Variants in CELSR1 observed in about 807,000 individuals in gnomAD.
CELSR1 encodes cadherin EGF LAG seven-pass G-type receptor 1.
Under a neutral mutation model 249.1 loss-of-function variants are expected in CELSR1, and 110 were observed. The observed-to-expected ratio is 0.44, with a 90% CI of 0.38 to 0.52. The LOEUF is 0.52. Among genes scored for constraint, CELSR1 ranks in the 20% least tolerant of loss-of-function variants. CELSR1 has a pLI of 0.00. For missense variants in CELSR1, 4,109 were observed against 4,296.4 expected, an observed-to-expected ratio of 0.96 and a Z score of 1.22; for synonymous variants, 2,113 against 1,900.0, an observed-to-expected ratio of 1.11 and a Z score of -2.92.
chr22:46,388,800 C>T (rs2079057777), intron 18 of CELSR1, among the ~76,000 whole-genome samples: 2 of 152,200 alleles, frequency 1.3e-5, no homozygotes, highest in Non-Finnish European at 2.9e-5. Flanking sequence ...AGGGTTGAGG[C>T]GGAGGTGTGG....
chr22:46,418,869 A>C (rs1257767536), intron 5 of CELSR1, among the ~76,000 whole-genome samples: 5 of 152,240 alleles, frequency 3.3e-5, no homozygotes, highest in African/African-American at 9.6e-5. Context: ...GGCCAAAGAC[A>C]AAAGTGAGGA....
At position 46,363,681 on chromosome 22, in the gene CELSR1, G is replaced by A. The variant is rs113094434; in HGVS notation, c.9035+315C>T. On this transcript the variant is annotated intron_variant, in intron 34 of 34. Coordinates refer to ENST00000674500, the MANE Select transcript of CELSR1 (RefSeq NM_001378328.1). This position sits in a 1 kb window ranked among gnomAD's most constrained non-coding sequence, Gnocchi z 4.3. ...CCTCAACTGCAAGGTGGGTGGCAGTGGTCCCAGGCGGAGACAATGCTGATC... is the reference window on the plus strand; with the variant it reads ...CCTCAACTGCAAGGTGGGTGGCAGTAGTCCCAGGCGGAGACAATGCTGATC... 2.1e-5 allele frequency: 9 copies of A among 419,274 alleles called. No homozygotes were observed. Among genetic ancestry groups the A allele is most frequent in the African/African-American group, 1.6e-4 (8 of 49,694 alleles). 26.0% of individuals were successfully genotyped at this position (419,274 alleles called of 1,614,324 possible).
At chr22:46,424,826 G>C (rs2079519156) in intron 5 of CELSR1, among the ~76,000 whole-genome samples, 1 of 152,152 alleles carries the variant, frequency 6.6e-6, no homozygotes, top group Non-Finnish European at 1.5e-5. Flanking sequence ...TACAAAATTA[G>C]CCGAGCATGG....
chr22:46,440,376 T>C lies in CELSR1; in HGVS notation c.4184-965A>G, dbSNP rs1011510648. ...TGGGGAGTTAGGCTAATTTTTTGTA[T>C]TTTTAGTAGAGACGGGGATTCACCG... On this transcript the variant is annotated intron_variant, in intron 2 of 34. Coordinates refer to ENST00000674500, the MANE Select transcript of CELSR1 (RefSeq NM_001378328.1). The surrounding 1 kb of genome is among the most constrained non-coding windows in gnomAD (Gnocchi z 4.7). Among the ~76,000 whole-genome samples the C allele has an allele frequency of 1.2e-4, 19 of 152,320 alleles. No homozygotes were observed. The highest frequency in any genetic ancestry group is 2.5e-4 in the Non-Finnish European group (17 of 68,014).
chr22:46,431,256 A>C (rs1332536978), intron 5 of CELSR1, among the ~76,000 whole-genome samples: 1 of 152,038 alleles, frequency 6.6e-6, no homozygotes, highest in African/African-American at 2.4e-5. Context: ...CCCAGTGAAC[A>C]CTCACTGTGT....
Position 46,507,481 on chromosome 22 carries a change from C to G in CELSR1, c.3544+26146G>C, listed in dbSNP as rs1164871784. Among the ~76,000 whole-genome samples, 3 of 152,140 alleles carry G rather than the reference C, an allele frequency of 2.0e-5. No individual in the cohort carries two copies. In the East Asian group the frequency reaches 5.8e-4, roughly 29 times the overall value. ...GCTGCCCCAGCGGCTCCCTCCCTCC[C>G]CGGCCTCTGTGTGGCCCTGGCTCAG... is the stretch of plus-strand genomic sequence containing the variant. On this transcript the variant is annotated intron_variant, in intron 1 of 34. Transcript: ENST00000674500.
chr22:46,373,650 T>TGGGGAGATGGGGGAGAAAGGGGAGATG (rs2078882878), intron 24 of CELSR1, among the ~76,000 whole-genome samples: 1 of 60,654 alleles, frequency 1.6e-5, no homozygotes, highest in Admixed American at 2.4e-4. Context: ...AATGGGAGAA[T>TGGGGAGATGGGGGAGAAAGGGGAGATG]GGGGAGATGG....
At chr22:46,403,181 A>G (rs1275394515) in intron 9 of CELSR1, among the ~76,000 whole-genome samples, 1 of 152,212 alleles carries the variant, frequency 6.6e-6, no homozygotes, top group Non-Finnish European at 1.5e-5. Context: ...GAAGTAATAG[A>G]TAAATCTACA....
At chr22:46,509,865 G>T (rs1569209990) in intron 1 of CELSR1, among the ~76,000 whole-genome samples, 2 of 152,198 alleles carry the variant, frequency 1.3e-5, no homozygotes. Context: ...CGGCACACAG[G>T]TGAGTCCTTC....
chr22:46,432,463 T>C (rs956740106), intron 5 of CELSR1, among the ~76,000 whole-genome samples: 7 of 151,792 alleles, frequency 4.6e-5, no homozygotes, highest in African/African-American at 1.7e-4. Context: ...ACAGCGGGGG[T>C]GGCCAGGCTC....
chr22:46,476,629 A>G (rs2080211184), intron 1 of CELSR1, among the ~76,000 whole-genome samples: 2 of 151,348 alleles, frequency 1.3e-5, no homozygotes, highest in African/African-American at 2.4e-5. Flanking sequence ...AGTACTGACC[A>G]GGCTACAACG....
At position 46,534,531 on chromosome 22, in the gene CELSR1, G is replaced by A. The variant is rs765685815; in HGVS notation, c.2640C>T (p.Ile880=). The stretch of plus-strand genomic sequence containing the variant: ...CATTGTCATTGGCATCGAGGATGAG[G>A]ATCTCTAGGGTGGTGGTGTCTGATT... ...PQKSDTTTLE[I]LILDANDNAP... The change falls in exon 1 of 35, where the codon ATC becomes ATT. Residue 880 remains isoleucine, a synonymous_variant. Coordinates refer to ENST00000674500, the MANE Select transcript of CELSR1 (RefSeq NM_001378328.1). The surrounding 1 kb of genome is among the most constrained non-coding windows in gnomAD (Gnocchi z 9.7). The A allele has an allele frequency of 6.8e-6, 11 of 1,613,466 alleles. No individual in the cohort carries two copies. Among genetic ancestry groups the A allele is most frequent in the South Asian group, 1.1e-5 (1 of 91,086 alleles).
chr22:46,489,950 T>C (rs2080351906), intron 1 of CELSR1, among the ~76,000 whole-genome samples: 1 of 149,688 alleles, frequency 6.7e-6, no homozygotes, highest in South Asian at 2.1e-4. Flanking sequence ...CCAAGGACAA[T>C]AAACTCCCAG....
At chr22:46,515,041 C>A (rs574564252) in intron 1 of CELSR1, among the ~76,000 whole-genome samples, 17 of 152,306 alleles carry the variant, frequency 1.1e-4, no homozygotes, top group African/African-American at 3.8e-4. Flanking sequence ...CTAGAAAGCA[C>A]CCCCAGCACC....
chr22:46,364,367 C>T, intron 33 of CELSR1, 116 bp from the exon 34 acceptor site: 1 of 1,518,978 alleles, frequency 6.6e-7, no homozygotes, highest in Non-Finnish European at 8.8e-7. Context: ...TTCCCCGGGT[C>T]CCAGGGCTAG....
rs191615568 is a variant in CELSR1, at chr22:46,516,446, G to A, written c.3544+17181C>T. ...CACAGGAAGGGAAACATCACACACC[G>A]GGGCCTGTTGTGGGGTTGGGGGAGT... On this transcript the variant is annotated intron_variant, in intron 1 of 34. Coordinates refer to ENST00000674500, the MANE Select transcript of CELSR1 (RefSeq NM_001378328.1). 6.9e-3 allele frequency among the ~76,000 whole-genome samples: 1,047 copies of A among 152,178 alleles called. 8 individuals carry two copies. The highest frequency in any genetic ancestry group is 0.013 in the Non-Finnish European group (855 of 68,006).
At position 46,382,002 on chromosome 22, in the gene CELSR1, G is replaced by A. The variant is rs552876249; in HGVS notation, c.6932C>T (p.Thr2311Met). 1.3e-5 allele frequency: 21 copies of A among 1,563,126 alleles called. No individual in the cohort carries two copies. The highest frequency in any genetic ancestry group is 5.6e-5 in the Admixed American group (3 of 54,046). ...PAGRRTTPQTTRPGPGTEREA... is the reference protein window; with the variant it reads ...PAGRRTTPQTMRPGPGTEREA... ...CCTCTCGGTGCCAGGCCCCGGGCGC[G>A]TGGTCTGCGGGGTGGTCCTCCGGCC... The change falls in exon 21 of 35, where the codon ACG becomes ATG. Residue 2311 changes from threonine (T) to methionine (M), a missense_variant. Around this residue, in one of 7 missense-constraint regions of CELSR1, gnomAD observed 1,805 missense variants for 1,831.6 expected, o/e 0.99. Transcript: ENST00000674500.
chr22:46,364,811 G>GCCACCAGACCCA, intron 32 of CELSR1, 75 bp from the exon 33 acceptor site: 1 of 1,410,602 alleles, frequency 7.1e-7, no homozygotes, highest in Non-Finnish European at 9.6e-7. Flanking sequence ...CATGGGTCTG[G>GCCACCAGACCCA]TGGCTCTGAC....
intron 1 of CELSR1, among the ~76,000 whole-genome samples, chr22:46,503,905 G>A (rs183808831): frequency 1.9e-4 from 29 of 152,022 alleles, no homozygotes; most frequent in African/African-American, 6.3e-4. Context: ...GTGGCGATGT[G>A]CATCCGTAGT....
Sources: gnomAD v4.1 joint callset for allele counts (sites outside exome capture counted in the v4.1 genomes callset) on GRCh38, gnomAD v4.1.1 for gene constraint, gnomAD v4.1.1 regional missense constraint, Gnocchi (gnomAD v3.1) non-coding constraint, MANE v1.5 for transcripts, NCBI Gene and HGNC (gene_info 2026-07-23, HGNC 2026-07-21) for gene names.